The following CEP290 variants were observed in gnomAD, a reference collection of about 807,000 sequenced individuals.
CEP290 encodes centrosomal protein of 290 kDa.
In CEP290, 317 loss-of-function variants were observed where a neutral mutation model predicts 344.9. The ratio of observed to expected loss-of-function variants is 0.92; its 90% confidence interval spans 0.84 to 1.01. CEP290 has a LOEUF of 1.01. CEP290 is among the 50% of genes least tolerant of loss of function. The pLI is 0.00. For synonymous variants in CEP290, 932 were observed against 895.8 expected, an observed-to-expected ratio of 1.04 and a Z score of -0.72; for missense variants, 2,754 against 2,761.4, an observed-to-expected ratio of 1.00 and a Z score of 0.06.
In CEP290 at chr12:88,128,946, C is replaced by T; in HGVS notation, c.942G>A (p.Lys314=). 6.7e-7 allele frequency: 1 copy of T among 1,497,060 alleles called. No homozygotes were observed. Among genetic ancestry groups the T allele is most frequent in the Non-Finnish European group, 8.8e-7 (1 of 1,131,154 alleles). 92.7% of individuals were successfully genotyped at this position (1,497,060 alleles called of 1,614,324 possible). The part of the protein sequence containing the change: ...VAVNAKVEEW[K]LILSSKDDEI... ...TATTATGTCAATTGAAAAAAAATAC[C>T]TTCCATTCTTCTACTTTTGCATTGA... The change falls in exon 11 of 54, where the codon AAG becomes AAA. Residue 314 remains lysine (K), a splice_region_variant and synonymous_variant. Coordinates refer to ENST00000552810, the MANE Select transcript of CEP290 (RefSeq NM_025114.4).
intron 53 of CEP290, 103 bp downstream of exon 53, chr12:88,050,251 T>A: frequency 1.1e-5 from 7 of 637,142 alleles, no homozygotes; most frequent in Non-Finnish European, 1.9e-5. Context: ...AAATATAAGA[T>A]GTTATTACTG....
At chr12:88,097,321 C>A (rs116110864) in intron 26 of CEP290, among the ~76,000 whole-genome samples, 4 of 151,862 alleles carry the variant, frequency 2.6e-5, no homozygotes, top group African/African-American at 9.7e-5. Context: ...GTTTCCCCCA[C>A]GCTATTCTCA....
In CEP290 at chr12:88,049,368, G is replaced by T; in HGVS notation, c.7256C>A (p.Ser2419Ter). The change falls in exon 54 of 54, where the codon TCA (serine) becomes TAA (stop). Residue 2419 changes from serine to a stop codon, truncating the protein, a stop_gained. Transcript: ENST00000552810. LOFTEE classifies it high-confidence loss of function. The stretch of plus-strand genomic sequence containing the variant: ...AAGATCTTCAATTTCTTCAAAAAAT[G>T]AAGGATCAAAATTTTCCAGTTCTTT... ...LKKELENFDP[S>*]FFEEIEDLKY... The T allele has an allele frequency of 6.4e-7, 1 of 1,561,152 alleles. No individual in the cohort carries two copies. Among genetic ancestry groups the T allele is most frequent in the African/African-American group, 1.4e-5 (1 of 73,190 alleles).
chr12:88,109,859 A>T (rs1306288877), intron 22 of CEP290, among the ~76,000 whole-genome samples: 2 of 152,180 alleles, frequency 1.3e-5, no homozygotes, highest in Non-Finnish European at 2.9e-5. Flanking sequence ...TTTTATCTCA[A>T]AAAATACGAC....
chr12:88,089,571 C>T lies in CEP290; in HGVS notation c.3574-84G>A, dbSNP rs1017155713. 3.7e-6 allele frequency: 4 copies of T among 1,072,122 alleles called. No homozygotes were observed. The Admixed American group carries it at 1.3e-4, about 34-fold the overall frequency. 66.4% of individuals were successfully genotyped at this position (1,072,122 alleles called of 1,614,324 possible). ...TCACAGATTTAAAATTCACAATTTA[C>T]TAAGCAAAGTTTTAACACAGTGGCA... On this transcript the variant is annotated intron_variant, in intron 30 of 53. Transcript: ENST00000552810.
intron 13 of CEP290, among the ~76,000 whole-genome samples, chr12:88,123,063 T>C (rs2039511078): frequency 6.6e-6 from 1 of 152,078 alleles, no homozygotes; most frequent in South Asian, 2.1e-4. Flanking sequence ...ACACTCTACC[T>C]TCTTTTCTAC....
intron 22 of CEP290, among the ~76,000 whole-genome samples, chr12:88,109,955 AAAT>A (rs1244553084): frequency 4.6e-5 from 7 of 152,190 alleles, no homozygotes; most frequent in Non-Finnish European, 1.0e-4. Flanking sequence ...ATACATTTAA[AAAT>A]AATAATATCA....
At chr12:88,101,252 C>T (rs1020534209) in intron 26 of CEP290, among the ~76,000 whole-genome samples, 3 of 151,454 alleles carry the variant, frequency 2.0e-5, no homozygotes, top group African/African-American at 7.3e-5. Flanking sequence ...GAGGCCGAGG[C>T]GGGTGGATCA....
chr12:88,124,172 C>T (rs1229339554), intron 13 of CEP290, among the ~76,000 whole-genome samples: 1 of 152,034 alleles, frequency 6.6e-6, no homozygotes, highest in Non-Finnish European at 1.5e-5. Context: ...CCCGGTGTCC[C>T]TTCTCACTTA....
intron 13 of CEP290, among the ~76,000 whole-genome samples, chr12:88,121,613 C>CAA (rs34457278): frequency 4.3e-3 from 595 of 136,992 alleles, no homozygotes; most frequent in South Asian, 0.01. Context: ...ATGTGAATTT[C>CAA]AAAAAAAAAA....
intron 23 of CEP290, 135 bp downstream of exon 23, chr12:88,108,931 T>C (rs1381317519): frequency 2.2e-6 from 1 of 461,212 alleles, no homozygotes; most frequent in African/African-American, 2.1e-5. Flanking sequence ...TAACAGTAGT[T>C]ACCAGAGTAA....
chr12:88,054,544 G>A (rs2033847301), intron 50 of CEP290, 131 bp from the exon 51 acceptor site: 1 of 661,624 alleles, frequency 1.5e-6, no homozygotes. Flanking sequence ...AAATTTCTAT[G>A]TTCTATTCAC....
At chr12:88,115,362 T>G in intron 18 of CEP290, 180 bp from the exon 19 acceptor site, 1 of 691,896 alleles carries the variant, frequency 1.4e-6, no homozygotes, top group Non-Finnish European at 2.3e-6. Flanking sequence ...AAGCAGATGG[T>G]GATCTTAATC....
chr12:88,077,425 G>A, intron 40 of CEP290, 81 bp from the exon 41 acceptor site: 1 of 943,444 alleles, frequency 1.1e-6, no homozygotes, highest in Non-Finnish European at 1.5e-6. Flanking sequence ...TTATATAATA[G>A]CAACTTTCTG....
chr12:88,060,042 T>G (rs2034347621), intron 47 of CEP290, 22 bp from the exon 48 acceptor site: 2 of 1,488,562 alleles, frequency 1.3e-6, no homozygotes, highest in South Asian at 2.6e-5. Flanking sequence ...ACAAACAAAA[T>G]AAAAAGTATA....
intron 44 of CEP290, 41 bp downstream of exon 44, chr12:88,068,481 A>G: frequency 7.8e-7 from 1 of 1,290,302 alleles, no homozygotes; most frequent in Non-Finnish European, 1.0e-6. Context: ...ATGCATTTTA[A>G]CATGGAAAAA....
Position 88,106,843 on chromosome 12 carries a change from A to G in CEP290, c.2649T>C (p.Ser883=). 2 of 1,608,114 alleles carry G rather than the reference A, an allele frequency of 1.2e-6. No individual in the cohort carries two copies. Among genetic ancestry groups the G allele is most frequent in the Non-Finnish European group, 1.7e-6 (2 of 1,176,918 alleles). ...DEMKKILAEN[S]RKITVLQVNE... ...TCACTTGCAAAACAGTAATTTTCCTACTATTTTCTGCAAGTATTTTTTTCA... is the reference window on the plus strand; with the variant it reads ...TCACTTGCAAAACAGTAATTTTCCTGCTATTTTCTGCAAGTATTTTTTTCA... The change falls in exon 25 of 54, where the codon AGT becomes AGC. Residue 883 remains serine, a synonymous_variant. Coordinates refer to ENST00000552810, the MANE Select transcript of CEP290 (RefSeq NM_025114.4).
At chr12:88,051,553 G>C (rs953518531) in intron 52 of CEP290, 2 of 152,102 alleles carry the variant, frequency 1.3e-5, no homozygotes, top group African/African-American at 2.4e-5. Flanking sequence ...CAGTGATTTA[G>C]AATTTCCAAA....
intron 47 of CEP290, among the ~76,000 whole-genome samples, chr12:88,060,348 AG>A (rs2034374357): frequency 6.6e-6 from 1 of 152,044 alleles, no homozygotes; most frequent in Admixed American, 6.5e-5. Context: ...TCACGAGGTC[AG>A]GAGATCGAGA....
Sources: allele counts gnomAD v4.1 joint callset (sites outside exome capture counted in the v4.1 genomes callset), GRCh38; gene constraint gnomAD v4.1.1; transcripts MANE v1.5; gene names NCBI Gene and HGNC (gene_info 2026-07-23, HGNC 2026-07-21).